The following FAM98A variants were observed in gnomAD, a reference collection of about 807,000 sequenced individuals.
FAM98A encodes protein FAM98A.
Under a neutral mutation model 62.9 loss-of-function variants are expected in FAM98A, and 25 were observed. That is an observed-to-expected ratio of 0.40 (90% confidence interval 0.29 to 0.56). The LOEUF (loss-of-function observed/expected upper bound fraction) is 0.56, where lower values mean the gene tolerates loss of function less well. Ranked by LOEUF, FAM98A falls within the 20% of genes least tolerant of loss-of-function variation. The probability of loss-of-function intolerance (pLI) is 0.51; values close to 1 mark genes in which losing one functional copy is unlikely to be tolerated. For synonymous variants in FAM98A, 252 were observed against 228.6 expected (o/e 1.10, Z -0.92); for missense variants, 653 against 640.7 (o/e 1.02, Z -0.21).
chr2:33,592,473 C>T (rs1389921719), intron 2 of FAM98A, among the ~76,000 whole-genome samples: 1 of 152,168 alleles, frequency 6.6e-6, no homozygotes, highest in East Asian at 1.9e-4. Context: ...TTGAAGGATC[C>T]TCCTGTTTAA....
intron 1 of FAM98A, among the ~76,000 whole-genome samples, chr2:33,596,252 A>G (rs963835167): frequency 2.0e-5 from 3 of 152,306 alleles, no homozygotes; most frequent in African/African-American, 7.2e-5. Context: ...TTTCCAGTTA[A>G]CCATTTATAT....
At chr2:33,599,122 G>T (rs768938990) in intron 1 of FAM98A, 47 bp downstream of exon 1, 8 of 1,536,080 alleles carry the variant, frequency 5.2e-6, no homozygotes, top group Admixed American at 1.7e-5. Context: ...TGTTCCCAGG[G>T]GGCCGGCAGC....
chr2:33,585,130 A>G lies in FAM98A; in HGVS notation c.1203T>C (p.Asp401=), dbSNP rs756920743. The G allele has an allele frequency of 6.2e-7, 1 of 1,613,950 alleles. No homozygotes were observed. Among genetic ancestry groups the G allele is most frequent in the South Asian group, 1.1e-5 (1 of 91,060 alleles). ...GGGYQDGGYR[D]SGFQPGGYHG... ...GATAGCCACCTGGCTGGAAACCTGA[A>G]TCTCGATAACCACCATCTTGGTAGC... Residue 401 remains aspartate (D), a synonymous_variant, in exon 8 of 8, where the codon GAT becomes GAC. Coordinates refer to ENST00000238823, the MANE Select transcript of FAM98A (RefSeq NM_015475.5).
Position 33,584,304 on chromosome 2 carries a change from G to T in FAM98A, c.*472C>A, listed in dbSNP as rs552988495. On this transcript the variant is annotated 3_prime_UTR_variant, in exon 8 of 8. Transcript: ENST00000238823. ...TGGCATAAAAGTCAACCGGGGGGCAGAACTGTGCTTGGAAAATAGGCATTG... is the reference window on the plus strand; with the variant it reads ...TGGCATAAAAGTCAACCGGGGGGCATAACTGTGCTTGGAAAATAGGCATTG... The T allele has an allele frequency of 8.2e-5, 13 of 159,036 alleles. No individual in the cohort carries two copies. Among genetic ancestry groups the T allele is most frequent in the Admixed American group, 3.6e-4 (6 of 16,728 alleles). The allele number at this position is 159,036 out of a possible 1,614,324, so 9.9% of individuals were successfully genotyped here.
At position 33,584,934 on chromosome 2, in the gene FAM98A, G is replaced by A. The variant is rs1173541016; in HGVS notation, c.1399C>T (p.Arg467Cys). The change falls in exon 8 of 8, where the codon CGT becomes TGT. Residue 467 changes from arginine (R) to cysteine (C), a missense_variant. Coordinates refer to ENST00000238823, the MANE Select transcript of FAM98A (RefSeq NM_015475.5). ...RGGGRGGRGG[R>C]GGRGGRAGQG... The stretch of plus-strand genomic sequence containing the variant: ...CCTGCACGACCACCTCGGCCTCCAC[G>A]ACCACCTCGCCCACCACGACCACCA... 3.1e-6 allele frequency: 5 copies of A among 1,613,492 alleles called. No homozygotes were observed. Among genetic ancestry groups the A allele is most frequent in the South Asian group, 2.2e-5 (2 of 91,020 alleles).
Position 33,585,186 on chromosome 2 carries a change from A to G in FAM98A, c.1147T>C (p.Trp383Arg). Residue 383 changes from tryptophan to arginine, a missense_variant, in exon 8 of 8, where the codon TGG (tryptophan) becomes CGG (arginine). Trp to Arg is a moderately radical substitution (Grantham distance 101). Coordinates refer to ENST00000238823, the MANE Select transcript of FAM98A (RefSeq NM_015475.5). Reference sequence around the variant, plus strand: ...CCTCCACCACTCCCTCCATCTGTCCAGCCTCCTTGATGCTTATTTCCTCTT... The same window carrying G: ...CCTCCACCACTCCCTCCATCTGTCCGGCCTCCTTGATGCTTATTTCCTCTT... ...GGRGNKHQGG[W>R]TDGGSGGGGG... 6.2e-7 allele frequency: 1 copy of G among 1,613,786 alleles called. No individual in the cohort carries two copies. The highest frequency in any genetic ancestry group is 1.1e-5 in the South Asian group (1 of 91,048).
At position 33,585,568 on chromosome 2, in the gene FAM98A, C is replaced by G; in HGVS notation, c.850G>C (p.Gly284Arg). 6.2e-7 allele frequency: 1 copy of G among 1,614,108 alleles called. No individual in the cohort carries two copies. Residue 284 changes from glycine (G) to arginine (R), a missense_variant, in exon 7 of 8, where the codon GGC (glycine) becomes CGC (arginine). Physicochemically the swap from Gly to Arg is moderately radical, Grantham distance 125. Transcript: ENST00000238823. ...DLSKILRTSS[G>R]SIREKTACAI... ...CAGGCAGTCTTTTCTCTTATAGAGC[C>G]GCTGCTTGTCCTTAAAATCTTTGAC...
In FAM98A at chr2:33,586,751, C is replaced by G. The variant is rs866150970; in HGVS notation, c.604-73G>C. The G allele has an allele frequency of 9.0e-5, 81 of 904,840 alleles. No individual in the cohort carries two copies. The South Asian group carries it at 1.1e-3, about 12-fold the overall frequency. 56.1% of individuals were successfully genotyped at this position (904,840 alleles called of 1,614,324 possible). ...CTCTGTCCCAAAAGGGCAAAAACTACGTCTGTGTCATTCATAACTGAGATC... is the reference window on the plus strand; with the variant it reads ...CTCTGTCCCAAAAGGGCAAAAACTAGGTCTGTGTCATTCATAACTGAGATC... On this transcript the variant is annotated intron_variant, in intron 5 of 7. Coordinates refer to ENST00000238823, the MANE Select transcript of FAM98A (RefSeq NM_015475.5).
chr2:33,592,010 T>C (rs1677681068), intron 3 of FAM98A, 70 bp downstream of exon 3: 23 of 1,242,466 alleles, frequency 1.9e-5, no homozygotes, highest in Non-Finnish European at 1.8e-5. Flanking sequence ...CAAAAAACCA[T>C]GGTCAGTTTA....
At chr2:33,598,992 G>A (rs982790574) in intron 1 of FAM98A, among the ~76,000 whole-genome samples, 177 bp downstream of exon 1, 2 of 152,124 alleles carry the variant, frequency 1.3e-5, no homozygotes, top group Non-Finnish European at 1.5e-5. Flanking sequence ...GGAGGACCCC[G>A]AGCTAGCAGT....
chr2:33,585,984 T>TC (rs974197181), intron 6 of FAM98A, among the ~76,000 whole-genome samples: 1 of 152,156 alleles, frequency 6.6e-6, no homozygotes, highest in Non-Finnish European at 1.5e-5. Flanking sequence ...ATAAAAAGGT[T>TC]CCCCCATCAT....
chr2:33,594,340 CACT>C (rs916932551), intron 2 of FAM98A, among the ~76,000 whole-genome samples: 1 of 151,574 alleles, frequency 6.6e-6, no homozygotes, highest in Non-Finnish European at 1.5e-5. Flanking sequence ...ATGTTCTCAC[CACT>C]AAGTGGGAGT....
At position 33,599,200 on chromosome 2, in the gene FAM98A, T is replaced by C. The variant is rs779536058; in HGVS notation, c.22A>G (p.Thr8Ala). ...TCTTCCAACGACTCCAAGATGTCAGTCTCCATGAGGTCACACTCCATGCTA... is the reference window on the plus strand; with the variant it reads ...TCTTCCAACGACTCCAAGATGTCAGCCTCCATGAGGTCACACTCCATGCTA... MECDLME[T>A]DILESLEDLG... The change falls in exon 1 of 8, where the codon ACT (threonine) becomes GCT (alanine). Residue 8 changes from threonine (T) to alanine (A), a missense_variant. Coordinates refer to ENST00000238823, the MANE Select transcript of FAM98A (RefSeq NM_015475.5). 4 of 1,613,864 alleles carry C rather than the reference T, an allele frequency of 2.5e-6. No homozygotes were observed. The highest frequency in any genetic ancestry group is 1.3e-5 in the African/African-American group (1 of 74,900).
Position 33,587,325 on chromosome 2 carries a change from C to T in FAM98A, c.523-5G>A, listed in dbSNP as rs1677578001. 6.2e-7 allele frequency: 1 copy of T among 1,601,238 alleles called. No homozygotes were observed. The highest frequency in any genetic ancestry group is 8.6e-7 in the Non-Finnish European group (1 of 1,168,694). Reference sequence around the variant, plus strand: ...TTTTGCTAATGTTTCCTTTAACTGACACAAAAACATAAATAAATGAATAAA... The same window carrying T: ...TTTTGCTAATGTTTCCTTTAACTGATACAAAAACATAAATAAATGAATAAA... On this transcript the variant is annotated splice_polypyrimidine_tract_variant and splice_region_variant and intron_variant, in intron 4 of 7. Transcript: ENST00000238823.
chr2:33,591,679 C>T (rs1247958363), intron 3 of FAM98A, among the ~76,000 whole-genome samples: 1 of 152,118 alleles, frequency 6.6e-6, no homozygotes, highest in Non-Finnish European at 1.5e-5. Flanking sequence ...TAAATGCTTA[C>T]TCTCCTCAAA....
At chr2:33,590,513 G>A (rs1362085348) in intron 3 of FAM98A, among the ~76,000 whole-genome samples, 4 of 152,178 alleles carry the variant, frequency 2.6e-5, no homozygotes, top group Non-Finnish European at 4.4e-5. Context: ...TAGAATGAAA[G>A]AGAGGTTACA....
rs35346181 is a variant in FAM98A at position 33,586,638 on chromosome 2, T to A, written c.644A>T (p.Tyr215Phe). The change falls in exon 6 of 8, where the codon TAT becomes TTT. Residue 215 changes from tyrosine to phenylalanine, a missense_variant. Tyr to Phe is a conservative substitution (Grantham distance 22). Coordinates refer to ENST00000238823, the MANE Select transcript of FAM98A (RefSeq NM_015475.5). ...EAINQAIANE[Y>F]EVRRKLLIKR... ...TATTAGCAGCTTTCTCCGGACTTCA[T>A]ATTCATTGGCTATGGCTTGGTTAAT... 890 of 1,613,800 alleles carry A rather than the reference T, an allele frequency of 5.5e-4. 5 individuals carry two copies. In the African/African-American group the frequency reaches 0.011, roughly 20 times the overall value.
chr2:33,592,190 T>C lies in FAM98A; in HGVS notation c.227A>G (p.Gln76Arg). 6.2e-7 allele frequency: 1 copy of C among 1,612,270 alleles called. No homozygotes were observed. The highest frequency in any genetic ancestry group is 8.5e-7 in the Non-Finnish European group (1 of 1,178,706). Reference sequence around the variant, plus strand: ...CCCTAGTAGCCCACTCACCTCAAGCTGGAATTCTTCAGCTTCACTCGGACC... The same window carrying C: ...CCCTAGTAGCCCACTCACCTCAAGCCGGAATTCTTCAGCTTCACTCGGACC... Reference protein sequence around the residue: ...TNSPSEAEEFQLEVSGLLGEM... With the variant: ...TNSPSEAEEFRLEVSGLLGEM... Residue 76 changes from glutamine (Q) to arginine (R), a missense_variant, in exon 3 of 8, where the codon CAG becomes CGG. By Grantham distance (43) the Gln-to-Arg change is conservative (BLOSUM62 1). Transcript: ENST00000238823.
intron 1 of FAM98A, among the ~76,000 whole-genome samples, chr2:33,598,847 G>A (rs113339983): frequency 4.0e-4 from 61 of 152,252 alleles, no homozygotes; most frequent in African/African-American, 1.3e-3. Context: ...TAGGGCAGGA[G>A]GATGAAGCGA....
Sources: gnomAD v4.1 joint callset for allele counts (sites outside exome capture counted in the v4.1 genomes callset) on GRCh38, gnomAD v4.1.1 for gene constraint, MANE v1.5 for transcripts, NCBI Gene and HGNC (gene_info 2026-07-23, HGNC 2026-07-21) for gene names.